The following TMC7 variants were observed in gnomAD, a reference collection of about 807,000 sequenced individuals.
TMC7 encodes transmembrane channel like 7.
A neutral mutation model predicts 82.9 loss-of-function variants in TMC7; 54 were observed. The observed-to-expected ratio is 0.65, with a 90% CI of 0.52 to 0.82. TMC7 has a LOEUF of 0.82. TMC7 is among the 40% of genes least tolerant of loss of function. The pLI is 0.00. For synonymous variants in TMC7, 350 were observed against 337.9 expected (o/e 1.04, Z -0.39); for missense variants, 820 against 901.2 (o/e 0.91, Z 1.15).
intron 1 of TMC7, among the ~76,000 whole-genome samples, chr16:18,985,768 AACTTTGTAGC>A (rs1204990845): frequency 1.3e-5 from 2 of 148,328 alleles, no homozygotes; most frequent in Non-Finnish European, 3.0e-5. Context: ...CTGTGTTTGT[AACTTTGTAGC>A]ACTTTCTAAA....
chr16:19,035,910 A>C, intron 7 of TMC7, 87 bp downstream of exon 7: 1 of 1,463,436 alleles, frequency 6.8e-7, no homozygotes, highest in East Asian at 2.3e-5. Flanking sequence ...GCAGAGGATC[A>C]AGGGTCGGGG....
chr16:19,051,265 A>G (rs1240004211), intron 12 of TMC7, among the ~76,000 whole-genome samples: 1 of 88,968 alleles, frequency 1.1e-5, no homozygotes. Flanking sequence ...TTTTATTATT[A>G]TTATACTTTA....
In TMC7 at chr16:19,044,890, C is replaced by T; in HGVS notation, c.1344C>T (p.Val448=). The T allele has an allele frequency of 6.2e-7, 1 of 1,610,670 alleles. No individual in the cohort carries two copies. Among genetic ancestry groups the T allele is most frequent in the East Asian group, 2.2e-5 (1 of 44,622 alleles). Residue 448 remains valine, a synonymous_variant, in exon 10 of 16, where the codon GTC becomes GTT. Transcript: ENST00000304381. The stretch of plus-strand genomic sequence containing the variant: ...TCTCCTTCTCTCCCCGAAGGTGTGT[C>T]TTTATGCGGCTGGCCACCATATGTG... ...FEIRLTILRC[V]FMRLATICVL...
intron 5 of TMC7, among the ~76,000 whole-genome samples, chr16:19,029,424 C>T (rs1960399627): frequency 6.6e-6 from 1 of 151,208 alleles, no homozygotes; most frequent in Admixed American, 6.6e-5. Flanking sequence ...TTTTTTCTTT[C>T]AGAGACAGGG....
chr16:19,019,999 C>G (rs1172917992), intron 3 of TMC7, among the ~76,000 whole-genome samples: 35 of 152,142 alleles, frequency 2.3e-4, no homozygotes, highest in Admixed American at 2.2e-3. Context: ...CTTCAGAATG[C>G]TTTCTATCCT....
intron 1 of TMC7, among the ~76,000 whole-genome samples, chr16:18,998,248 G>A (rs1273161626): frequency 3.9e-5 from 6 of 152,198 alleles, no homozygotes; most frequent in African/African-American, 1.4e-4. Context: ...GGTAGGAACC[G>A]CTGTCTACAT....
intron 4 of TMC7, 79 bp downstream of exon 4, chr16:19,021,875 A>C: frequency 6.6e-7 from 1 of 1,504,776 alleles, no homozygotes; most frequent in Non-Finnish European, 9.0e-7. Flanking sequence ...CTTTGCTAAG[A>C]ATCTTTATTC....
At position 18,995,276 on chromosome 16, in the gene TMC7, G is replaced by A. The variant is rs368966810; in HGVS notation, c.67+11146G>A. Among the ~76,000 whole-genome samples the A allele has an allele frequency of 8.5e-5, 13 of 152,300 alleles. No individual in the cohort carries two copies. The East Asian group carries it at 2.3e-3, about 27-fold the overall frequency. ...GCCCTTGAAAAGAGGGTAATGTGGA[G>A]TGGGTAGCCTCCGTATTGATTAAGA... On this transcript the variant is annotated intron_variant, in intron 1 of 15. Transcript: ENST00000304381.
rs1014808366 is a variant in TMC7 at position 19,045,018 on chromosome 16, G to A, written c.1455+17G>A. On this transcript the variant is annotated intron_variant, in intron 10 of 15. Coordinates refer to ENST00000304381, the MANE Select transcript of TMC7 (RefSeq NM_024847.4). ...CTCTACCCGGTGAGTTGCGGGGCGG[G>A]GGCGTTCGGCTGGGTGGGTCCTTCT... 1.3e-6 allele frequency: 2 copies of A among 1,597,904 alleles called. No individual in the cohort carries two copies. Among genetic ancestry groups the A allele is most frequent in the African/African-American group, 2.7e-5 (2 of 74,568 alleles).
At chr16:18,984,475 C>G in intron 1 of TMC7, 1 of 1,103,382 alleles carries the variant, frequency 9.1e-7, no homozygotes, top group Non-Finnish European at 1.1e-6. Flanking sequence ...CCACGCCTAA[C>G]ATTCTGGTAT....
intron 6 of TMC7, among the ~76,000 whole-genome samples, chr16:19,034,993 T>G (rs1300275467): frequency 6.6e-6 from 1 of 152,174 alleles, no homozygotes; most frequent in African/African-American, 2.4e-5. Context: ...ATCACAGTGC[T>G]ATTCACAATA....
chr16:19,059,893 C>T, intron 15 of TMC7: 1 of 472,380 alleles, frequency 2.1e-6, no homozygotes, highest in South Asian at 2.1e-5. Context: ...AGGAGAATCC[C>T]TTGAACTCAG....
At chr16:19,056,820 C>A in intron 14 of TMC7, 123 bp downstream of exon 14, 1 of 1,165,914 alleles carries the variant, frequency 8.6e-7, no homozygotes, top group Non-Finnish European at 1.2e-6. Flanking sequence ...CTGCACTTTC[C>A]CATCTCTAAA....
intron 2 of TMC7, among the ~76,000 whole-genome samples, chr16:19,013,008 G>A (rs1249694078): frequency 6.7e-6 from 1 of 150,012 alleles, no homozygotes; most frequent in African/African-American, 2.5e-5. Context: ...GTAGAGACAG[G>A]GTTTCACCAC....
At chr16:18,996,417 T>C (rs1249677962) in intron 1 of TMC7, among the ~76,000 whole-genome samples, 1 of 152,122 alleles carries the variant, frequency 6.6e-6, no homozygotes, top group Non-Finnish European at 1.5e-5. Context: ...ACAAAAATTA[T>C]CTAGATCTTG....
intron 13 of TMC7, among the ~76,000 whole-genome samples, 172 bp from the exon 14 acceptor site, chr16:19,056,370 G>A (rs970629023): frequency 6.6e-6 from 1 of 152,140 alleles, no homozygotes; most frequent in Non-Finnish European, 1.5e-5. Context: ...ACATTCGTGA[G>A]CCACCGCGCC....
chr16:18,988,879 G>A (rs1227430582), intron 1 of TMC7, among the ~76,000 whole-genome samples: 3 of 152,104 alleles, frequency 2.0e-5, no homozygotes, highest in Non-Finnish European at 4.4e-5. Context: ...GTGAAACCCC[G>A]TCTCTACTAA....
At chr16:19,023,478 G>A (rs764696829) in intron 5 of TMC7, among the ~76,000 whole-genome samples, 1 of 151,966 alleles carries the variant, frequency 6.6e-6, no homozygotes, top group African/African-American at 2.4e-5. Context: ...ATGGAGTCTC[G>A]CTCCGTCGCC....
chr16:19,012,949 TG>T (rs1332716299), intron 2 of TMC7, among the ~76,000 whole-genome samples: 1 of 150,792 alleles, frequency 6.6e-6, no homozygotes, highest in African/African-American at 2.4e-5. Flanking sequence ...CCTGAGTAGC[TG>T]GGATTACAGG....
Sources: gnomAD v4.1 joint callset for allele counts (sites outside exome capture counted in the v4.1 genomes callset) on GRCh38, gnomAD v4.1.1 for gene constraint, MANE v1.5 for transcripts, NCBI Gene and HGNC (gene_info 2026-07-23, HGNC 2026-07-21) for gene names.